The following APLF variants were observed in gnomAD, a reference collection of about 807,000 sequenced individuals.
The protein encoded by APLF is aprataxin and PNKP like factor, also known as aprataxin and PNK-like factor.
In APLF, 61 loss-of-function variants were observed where a neutral mutation model predicts 55.6. The ratio of observed to expected loss-of-function variants is 1.10; its 90% CI spans 0.89 to 1.36. The LOEUF is 1.36. Ranked by LOEUF, APLF falls within the 40% of genes most tolerant of loss-of-function variation. The pLI is 0.00. For synonymous variants in APLF, 207 were observed against 214.8 expected (o/e 0.96, Z 0.32); for missense variants, 611 against 602.5 (o/e 1.01, Z -0.15).
rs912497542 is a variant in APLF at position 68,577,807 on chromosome 2, T to C, written c.1334-13T>C. On this transcript the variant is annotated splice_polypyrimidine_tract_variant and intron_variant, in intron 9 of 9. Transcript: ENST00000303795. The stretch of plus-strand genomic sequence containing the variant: ...GTGATTGATGTGTTGTGTACCAATC[T>C]TCTGTTTTGCAGTGAGAAATGTTTT... 1.2e-5 allele frequency: 20 copies of C among 1,612,560 alleles called. No individual in the cohort carries two copies. The highest frequency in any genetic ancestry group is 1.6e-5 in the Non-Finnish European group (19 of 1,179,120).
chr2:68,512,225 C>A (rs966433199), intron 3 of APLF, among the ~76,000 whole-genome samples: 1 of 151,684 alleles, frequency 6.6e-6, no homozygotes, highest in Admixed American at 6.6e-5. Flanking sequence ...CACCCCCAAT[C>A]CCTGGCAACC....
chr2:68,535,625 A>G (rs1433834988), intron 6 of APLF, among the ~76,000 whole-genome samples: 1 of 145,528 alleles, frequency 6.9e-6, no homozygotes, highest in African/African-American at 2.5e-5. Flanking sequence ...TTTTAATGTG[A>G]TAAGATATTG....
At chr2:68,527,826 C>T (rs1390795721) in intron 6 of APLF, among the ~76,000 whole-genome samples, 1 of 150,178 alleles carries the variant, frequency 6.7e-6, no homozygotes, top group Non-Finnish European at 1.5e-5. Flanking sequence ...GGTGCGGTGG[C>T]CAGGCAGAGG....
At position 68,480,183 on chromosome 2, in the gene APLF, T is replaced by C. The variant is rs191903942; in HGVS notation, c.97-10007T>C. Among the ~76,000 whole-genome samples the C allele has an allele frequency of 6.6e-5, 10 of 152,302 alleles. No individual in the cohort carries two copies. The East Asian group carries it at 1.3e-3, about 21-fold the overall frequency. On this transcript the variant is annotated intron_variant, in intron 1 of 9. Transcript: ENST00000303795. ...ATCCTGTAAGTTTATTGAATTTGTT[T>C]ATCAGTTTTAAGTGTTCTTTTGGTG...
chr2:68,502,592 T>A (rs1676756512), intron 2 of APLF, 139 bp from the exon 3 acceptor site: 2 of 461,030 alleles, frequency 4.3e-6, no homozygotes, highest in Non-Finnish European at 3.5e-6. Flanking sequence ...AACTTTTAAG[T>A]CTAAGTTTAT....
At chr2:68,537,754 T>G (rs1234891761) in intron 6 of APLF, 118 bp from the exon 7 acceptor site, 2 of 719,290 alleles carry the variant, frequency 2.8e-6, no homozygotes, top group African/African-American at 3.7e-5. Flanking sequence ...CTTTAAAATG[T>G]GAATCTTGAA....
At chr2:68,491,066 TG>T (rs1474305110) in intron 2 of APLF, among the ~76,000 whole-genome samples, 1 of 152,228 alleles carries the variant, frequency 6.6e-6, no homozygotes, top group Non-Finnish European at 1.5e-5. Context: ...TTTGCAAATT[TG>T]GAAAGCATCT....
At chr2:68,563,088 G>T (rs1425295907) in intron 8 of APLF, 1 of 985,026 alleles carries the variant, frequency 1.0e-6, no homozygotes, top group East Asian at 1.1e-4. Context: ...TATTTCTTTT[G>T]CTTTAGGTTG....
intron 3 of APLF, among the ~76,000 whole-genome samples, chr2:68,507,157 A>G (rs1676893894): frequency 6.6e-6 from 1 of 151,948 alleles, no homozygotes; most frequent in South Asian, 2.1e-4. Context: ...ATATTCATAG[A>G]TATGTAGATA....
At chr2:68,514,865 C>G (rs1669534121) in intron 5 of APLF, among the ~76,000 whole-genome samples, 2 of 151,936 alleles carry the variant, frequency 1.3e-5, no homozygotes, top group South Asian at 4.1e-4. Context: ...TCTCCAGTGC[C>G]TACAGATAGT....
chr2:68,566,874 T>C (rs959135666), intron 8 of APLF, among the ~76,000 whole-genome samples: 2 of 152,116 alleles, frequency 1.3e-5, no homozygotes, highest in Non-Finnish European at 2.9e-5. Context: ...TTTGTGTTTT[T>C]TCATAACAAG....
In APLF at chr2:68,468,321, C is replaced by G. The variant is rs149871543; in HGVS notation, c.96+494C>G. 6.5e-3 allele frequency among the ~76,000 whole-genome samples: 995 copies of G among 152,186 alleles called. 8 individuals carry two copies. Among genetic ancestry groups the G allele is most frequent in the African/African-American group, 0.023 (948 of 41,516 alleles). The stretch of plus-strand genomic sequence containing the variant: ...GCTAATTTCTTTTAACCTTTGGTCT[C>G]CTTTGCAGAGCTGTGTGGACCTTAT... On this transcript the variant is annotated intron_variant, in intron 1 of 9. Transcript: ENST00000303795.
At position 68,473,255 on chromosome 2, in the gene APLF, C is replaced by G. The variant is rs147320553; in HGVS notation, c.96+5428C>G. ...CATGGTTTTGCCTTTTTCAGAATGT[C>G]ATAGAGTTGGAGTCATACAGTACAT... On this transcript the variant is annotated intron_variant, in intron 1 of 9. Coordinates refer to ENST00000303795, the MANE Select transcript of APLF (RefSeq NM_173545.3). 1.3e-4 allele frequency among the ~76,000 whole-genome samples: 20 copies of G among 152,294 alleles called. No individual in the cohort carries two copies. The East Asian group carries it at 1.9e-3, about 15-fold the overall frequency.
At chr2:68,530,240 T>G (rs1464351986) in intron 6 of APLF, among the ~76,000 whole-genome samples, 1 of 152,258 alleles carries the variant, frequency 6.6e-6, no homozygotes, top group Non-Finnish European at 1.5e-5. Flanking sequence ...CATCTATTCT[T>G]ATTTTTTCCT....
In APLF at chr2:68,567,351, C is replaced by A. The variant is rs36021078; in HGVS notation, c.1297C>A (p.Gln433Lys). The change falls in exon 9 of 10, where the codon CAG becomes AAG. Residue 433 changes from glutamine (Q) to lysine (K), a missense_variant. Gln to Lys is a moderately conservative substitution (Grantham distance 53). Transcript: ENST00000303795. ...YGPSCYRKNP[Q>K]HKIEYRHNTL... is the part of the protein sequence containing the mutation. ...GCATTCTTCTTTCAGGAAGAATCCCCAGCACAAGATAGAATATAGACATAA... is the reference window on the plus strand; with the variant it reads ...GCATTCTTCTTTCAGGAAGAATCCCAAGCACAAGATAGAATATAGACATAA... The A allele has an allele frequency of 0.03, 47,519 of 1,600,192 alleles. 863 individuals are homozygous for A. The highest frequency in any genetic ancestry group is 0.05 in the Middle Eastern group (297 of 5,992).
At chr2:68,491,937 C>T (rs1440623138) in intron 2 of APLF, among the ~76,000 whole-genome samples, 2 of 152,114 alleles carry the variant, frequency 1.3e-5, no homozygotes, top group East Asian at 3.8e-4. Flanking sequence ...TAAGAAGAAA[C>T]CCTTCTTATA....
In APLF at chr2:68,578,854, G is replaced by A; in HGVS notation, c.*832G>A. 3 of 985,244 alleles carry A rather than the reference G, an allele frequency of 3.0e-6. No homozygotes were observed. The highest frequency in any genetic ancestry group is 3.6e-6 in the Non-Finnish European group (3 of 829,862). The allele number at this position is 985,244 out of a possible 1,614,324, so 61.0% of individuals were successfully genotyped here. Reference sequence around the variant, plus strand: ...TGACCTCAGATGAAAGTAGCAAGTTGTTTGCCAGTTGAAAGTTCAAGATTC... The same window carrying A: ...TGACCTCAGATGAAAGTAGCAAGTTATTTGCCAGTTGAAAGTTCAAGATTC... On this transcript the variant is annotated 3_prime_UTR_variant, in exon 10 of 10. Transcript: ENST00000303795.
chr2:68,560,915 T>G (rs10172974), intron 8 of APLF, among the ~76,000 whole-genome samples: 1 of 152,068 alleles, frequency 6.6e-6, no homozygotes, highest in African/African-American at 2.4e-5. Flanking sequence ...TAGAGTTACA[T>G]GCAAAAGGTA....
chr2:68,525,869 C>T (rs1670029362), intron 5 of APLF, among the ~76,000 whole-genome samples, 192 bp from the exon 6 acceptor site: 1 of 148,708 alleles, frequency 6.7e-6, no homozygotes, highest in African/African-American at 2.5e-5. Context: ...TATGCCTCTG[C>T]TTCCTAAGTA....
Sources: gnomAD v4.1 joint callset for allele counts (sites outside exome capture counted in the v4.1 genomes callset) on GRCh38, gnomAD v4.1.1 for gene constraint, MANE v1.5 for transcripts, NCBI Gene and HGNC (gene_info 2026-07-23, HGNC 2026-07-21) for gene names.